Variants in NPIPB5 observed in about 807,000 individuals in gnomAD.
NPIPB5 encodes the protein nuclear pore complex interacting protein family member B5.
For missense variants in NPIPB5, 10 were observed against 414.7 expected (o/e 0.02, Z 8.48); for synonymous variants, 1 against 168.2 (o/e 0.01, Z 7.69).
chr16:22,517,975 G>T (rs1449630807), intron 1 of NPIPB5, among the ~76,000 whole-genome samples: 1 of 130,446 alleles, frequency 7.7e-6, no homozygotes, highest in Non-Finnish European at 1.7e-5. Flanking sequence ...GAGTGCAGTG[G>T]TGCAATCTCG....
chr16:22,517,855 C>T (rs567542615), intron 1 of NPIPB5, among the ~76,000 whole-genome samples: 1 of 128,044 alleles, frequency 7.8e-6, no homozygotes, highest in African/African-American at 2.8e-5. Flanking sequence ...AGGGCAGGAA[C>T]ATGGCTGCAG....
chr16:22,517,686 G>A (rs1461727095), intron 1 of NPIPB5, among the ~76,000 whole-genome samples: 2 of 21,448 alleles, frequency 9.3e-5, no homozygotes, highest in Non-Finnish European at 2.0e-4. Flanking sequence ...GATTACAGGC[G>A]TGTGCCACCA....
chr16:22,517,938 C>T (rs1177274458), intron 1 of NPIPB5, among the ~76,000 whole-genome samples: 3 of 138,426 alleles, frequency 2.2e-5, no homozygotes. Flanking sequence ...GTTTTTGAGA[C>T]AGAGTCTCGC....
At chr16:22,527,625 A>G (rs1429423630) in exon 3 of NPIPB5, 2 of 10,676 alleles carry the variant, frequency 1.9e-4, no homozygotes, top group East Asian at 5.7e-3. Context: ...CCACGGATGT[A>G]CAGCAGAGAG....
intron 1 of NPIPB5, among the ~76,000 whole-genome samples, chr16:22,517,916 G>A (rs1415804639): frequency 7.1e-6 from 1 of 140,330 alleles, no homozygotes; most frequent in East Asian, 2.4e-4. Context: ...TTTTTTGTTT[G>A]TAGTTGTTGC....
chr16:22,528,820 C>A (rs1207844552), intron 4 of NPIPB5, among the ~76,000 whole-genome samples: 2 of 145,424 alleles, frequency 1.4e-5, no homozygotes, highest in Non-Finnish European at 3.0e-5. Context: ...TCTTATCCCT[C>A]AGCCTCTTGA....
chr16:22,528,696 T>A, intron 4 of NPIPB5, among the ~76,000 whole-genome samples: 1 of 117,210 alleles, frequency 8.5e-6, no homozygotes, highest in Non-Finnish European at 1.7e-5. Context: ...TGACCAATTT[T>A]TTTTTTTTTT....
At chr16:22,510,774 T>C (rs1339866549), upstream of NPIPB5, among the ~76,000 whole-genome samples, 1 of 93,740 alleles carries the variant, frequency 1.1e-5, no homozygotes. Context: ...AATTTACTTA[T>C]GTGCAGCATT....
At chr16:22,534,652 C>G in exon 7 of NPIPB5, 1 of 1,566,850 alleles carries the variant, frequency 6.4e-7, no homozygotes, top group South Asian at 1.1e-5. Flanking sequence ...CGAGCGTCAG[C>G]TCACTCCCCT....
chr16:22,517,968 T>G (rs1302912082), intron 1 of NPIPB5, among the ~76,000 whole-genome samples: 1 of 132,516 alleles, frequency 7.5e-6, no homozygotes, highest in African/African-American at 2.7e-5. Context: ...TAGGCTGGAG[T>G]GCAGTGGTGC....
chr16:22,514,835 T>TACACACACACACACACAC (rs776660903), intron 1 of NPIPB5, among the ~76,000 whole-genome samples: 2 of 21,936 alleles, frequency 9.1e-5, no homozygotes, highest in Non-Finnish European at 1.3e-4. Context: ...TTTATATAGA[T>TACACACACACACACACAC]ACACACACAC....
chr16:22,517,930 T>G (rs2049802083), intron 1 of NPIPB5, among the ~76,000 whole-genome samples: 1 of 139,544 alleles, frequency 7.2e-6, no homozygotes, highest in Non-Finnish European at 1.6e-5. Context: ...TTGTTGCTGT[T>G]TTTGAGACAG....
At chr16:22,517,685 C>A (rs1398324529) in intron 1 of NPIPB5, among the ~76,000 whole-genome samples, 1 of 20,972 alleles carries the variant, frequency 4.8e-5, no homozygotes, top group African/African-American at 1.7e-4. Context: ...GGATTACAGG[C>A]GTGTGCCACC....
exon 7 of NPIPB5, chr16:22,534,341 C>T: frequency 2.0e-6 from 1 of 501,510 alleles, no homozygotes; most frequent in Non-Finnish European, 3.2e-6. Context: ...ATCAAGACAC[C>T]TGCTGAGCGT....
chr16:22,517,680 A>C (rs2049797618), intron 1 of NPIPB5, among the ~76,000 whole-genome samples: 1 of 19,158 alleles, frequency 5.2e-5, no homozygotes. Flanking sequence ...AGCTGGGATT[A>C]CAGGCGTGTG....
upstream of NPIPB5, among the ~76,000 whole-genome samples, chr16:22,510,775 G>T (rs1303864681): frequency 1.1e-5 from 1 of 93,510 alleles, no homozygotes; most frequent in Non-Finnish European, 1.8e-5. Flanking sequence ...ATTTACTTAT[G>T]TGCAGCATTT....
At position 22,534,529 on chromosome 16, in the gene NPIPB5, G is replaced by T. The variant is rs1202017641; in HGVS notation, c.1546G>T (p.Glu516Ter). 1 of 1,610,344 alleles carries T rather than the reference G, an allele frequency of 6.2e-7. No individual in the cohort carries two copies. Among genetic ancestry groups the T allele is most frequent in the Non-Finnish European group, 8.5e-7 (1 of 1,179,330 alleles). ...GGATGATAATCTCAAGACACCTTCC[G>T]AGCGTCAGCTCACTGCCCTTCCACC... Residue 516 changes from glutamate (E) to a stop codon, truncating the protein, a stop_gained, in exon 7 of 7, where the codon GAG becomes TAG. Coordinates refer to ENST00000424340, the Ensembl canonical transcript of NPIPB5. LOFTEE classifies it high-confidence loss of function.
intron 4 of NPIPB5, among the ~76,000 whole-genome samples, chr16:22,530,048 CCT>C (rs1427086448): frequency 2.2e-5 from 2 of 90,518 alleles, no homozygotes; most frequent in Non-Finnish European, 4.0e-5. Flanking sequence ...TGTTTTCGCC[CCT>C]GTTTCCTAGC....
At chr16:22,528,240 T>TTTTTTTTTTC (rs1162137608) in intron 4 of NPIPB5, 3 of 373,434 alleles carry the variant, frequency 8.0e-6, no homozygotes, top group East Asian at 7.2e-5. Context: ...TTTTTTTTTT[T>TTTTTTTTTTC]CCTGAGATGG....
Sources: allele counts gnomAD v4.1 joint callset (sites outside exome capture counted in the v4.1 genomes callset), GRCh38; gene constraint gnomAD v4.1.1; transcripts MANE v1.5; gene names NCBI Gene and HGNC (gene_info 2026-07-23, HGNC 2026-07-21).